Variants in LRP12 observed in about 807,000 individuals in gnomAD.
The protein encoded by LRP12 is LDL receptor related protein 12, also known as low-density lipoprotein receptor-related protein 12.
In LRP12, 14 loss-of-function variants were observed where a neutral mutation model predicts 66.0. The ratio of observed to expected loss-of-function variants is 0.21; its 90% CI spans 0.14 to 0.33. The LOEUF is 0.33. Among genes scored for constraint, LRP12 ranks in the 10% least tolerant of loss-of-function variants. The probability of loss-of-function intolerance (pLI) is 1.00; values close to 1 mark genes in which losing one functional copy is unlikely to be tolerated. For synonymous variants in LRP12, 357 were observed against 359.1 expected (o/e 0.99, Z 0.07); for missense variants, 889 against 1,053.4 (o/e 0.84, Z 2.16).
intron 1 of LRP12, among the ~76,000 whole-genome samples, chr8:104,543,464 G>A (rs116112400): frequency 6.6e-6 from 1 of 152,240 alleles, no homozygotes; most frequent in Admixed American, 6.5e-5. Context: ...GACGAATACT[G>A]TGTGTGTTCT....
chr8:104,542,376 C>A (rs1811491222), intron 1 of LRP12, among the ~76,000 whole-genome samples: 1 of 152,106 alleles, frequency 6.6e-6, no homozygotes, highest in Admixed American at 6.5e-5. Flanking sequence ...TTTAAGAGTT[C>A]TTTAGACATT....
chr8:104,579,114 C>G (rs1458874666), intron 1 of LRP12, among the ~76,000 whole-genome samples: 2 of 151,976 alleles, frequency 1.3e-5, no homozygotes, highest in Non-Finnish European at 2.9e-5. Flanking sequence ...TAAAGCGCAT[C>G]TAAATAGGAA....
At chr8:104,580,733 A>G (rs1292005024) in intron 1 of LRP12, among the ~76,000 whole-genome samples, 1 of 152,226 alleles carries the variant, frequency 6.6e-6, no homozygotes. Flanking sequence ...ACAATGAGAT[A>G]CCATCTCACA....
chr8:104,490,899 T>C lies in LRP12; in HGVS notation c.2354A>G (p.Asp785Gly), dbSNP rs1043651532. 2.5e-6 allele frequency: 4 copies of C among 1,614,146 alleles called. No individual in the cohort carries two copies. The highest frequency in any genetic ancestry group is 3.4e-6 in the Non-Finnish European group (4 of 1,180,020). ...TCTGGAGCAGTCATTCACATCAAAG[T>C]CTGAAGATCCATCAGAAATTGGAAT... ...MLIPISDGSS[D>G]FDVNDCSRPL... is the part of the protein sequence containing the mutation. The change falls in exon 7 of 7, where the codon GAC becomes GGC. Residue 785 changes from aspartate to glycine, a missense_variant. Physicochemically the swap from Asp to Gly is moderately conservative, Grantham distance 94. Transcript: ENST00000276654.
chr8:104,568,833 TA>T (rs1812040436), intron 1 of LRP12, among the ~76,000 whole-genome samples: 1 of 152,130 alleles, frequency 6.6e-6, no homozygotes, highest in African/African-American at 2.4e-5. Context: ...AGTGGGAATG[TA>T]AAATAGTGCT....
intron 1 of LRP12, among the ~76,000 whole-genome samples, chr8:104,537,932 C>T (rs1437579309): frequency 6.6e-6 from 1 of 152,132 alleles, no homozygotes; most frequent in Non-Finnish European, 1.5e-5. Flanking sequence ...GTTATTTTGT[C>T]AGGCTGTGTG....
intron 2 of LRP12, among the ~76,000 whole-genome samples, chr8:104,514,113 G>A (rs567617744): frequency 2.0e-5 from 3 of 152,142 alleles, no homozygotes; most frequent in African/African-American, 7.2e-5. Context: ...GATTAAAACC[G>A]GAAATTTCAG....
At chr8:104,512,727 T>C (rs572385760) in intron 2 of LRP12, among the ~76,000 whole-genome samples, 75 of 152,274 alleles carry the variant, frequency 4.9e-4, no homozygotes, top group African/African-American at 1.8e-3. Flanking sequence ...GAGAAACCCA[T>C]AGGTGGTGCT....
intron 1 of LRP12, among the ~76,000 whole-genome samples, chr8:104,537,718 A>G (rs1811410203): frequency 1.3e-5 from 2 of 152,174 alleles, no homozygotes; most frequent in South Asian, 4.1e-4. Flanking sequence ...GAACATATAG[A>G]TATATGACCT....
intron 4 of LRP12, 60 bp downstream of exon 4, chr8:104,499,257 G>T: frequency 7.7e-7 from 1 of 1,301,330 alleles, no homozygotes; most frequent in Non-Finnish European, 1.1e-6. Context: ...TAGCTCCGAA[G>T]TGACAGAGCA....
intron 1 of LRP12, among the ~76,000 whole-genome samples, chr8:104,553,753 T>C (rs1354901461): frequency 6.6e-6 from 1 of 151,926 alleles, no homozygotes; most frequent in Non-Finnish European, 1.5e-5. Flanking sequence ...TAGGGCAAGC[T>C]TGTATCCTCC....
intron 2 of LRP12, among the ~76,000 whole-genome samples, chr8:104,515,008 A>C (rs1288389070): frequency 2.6e-5 from 4 of 152,180 alleles, no homozygotes; most frequent in Non-Finnish European, 5.9e-5. Flanking sequence ...GGGCACTATT[A>C]TGCACTCGAA....
intron 1 of LRP12, among the ~76,000 whole-genome samples, chr8:104,555,239 C>G (rs1183096970): frequency 6.6e-6 from 1 of 152,016 alleles, no homozygotes; most frequent in East Asian, 1.9e-4. Flanking sequence ...TGAAATAACA[C>G]AATGAAAAAT....
At position 104,578,978 on chromosome 8, in the gene LRP12, T is replaced by C. The variant is rs76577455; in HGVS notation, c.79+9841A>G. Among the ~76,000 whole-genome samples the C allele has an allele frequency of 6.0e-3, 914 of 152,092 alleles. 9 individuals are homozygous for C. Among genetic ancestry groups the C allele is most frequent in the Admixed American group, 0.012 (190 of 15,274 alleles). ...AACAAACCCACAACCAACATCATAA[T>C]GAATGGGCAAAAGCTGGAAGCATGA... On this transcript the variant is annotated intron_variant, in intron 1 of 6. Coordinates refer to ENST00000276654, the MANE Select transcript of LRP12 (RefSeq NM_013437.5).
chr8:104,491,974 CT>C (rs566322915), intron 6 of LRP12, among the ~76,000 whole-genome samples: 2,154 of 144,228 alleles, frequency 0.015, 47 homozygotes, highest in African/African-American at 0.046. Flanking sequence ...GGACTTTTAT[CT>C]TTTTTTTTTT....
At chr8:104,514,210 A>C (rs3110524) in intron 2 of LRP12, among the ~76,000 whole-genome samples, 111,362 of 151,900 alleles carry the variant, frequency 0.73, 41,829 homozygotes, top group African/African-American at 0.89. Flanking sequence ...TCCAAAGGAA[A>C]TCCTCTGGGT....
At chr8:104,555,589 G>T (rs1405950183) in intron 1 of LRP12, among the ~76,000 whole-genome samples, 1 of 151,960 alleles carries the variant, frequency 6.6e-6, no homozygotes, top group African/African-American at 2.4e-5. Flanking sequence ...AATGATAAAA[G>T]GACTAGTCCA....
At chr8:104,546,672 A>G (rs1394353577) in intron 1 of LRP12, among the ~76,000 whole-genome samples, 1 of 151,720 alleles carries the variant, frequency 6.6e-6, no homozygotes, top group Non-Finnish European at 1.5e-5. Context: ...TTTCACCTAA[A>G]AATACTGAAT....
intron 3 of LRP12, chr8:104,505,399 CTT>C (rs57277820): frequency 0.012 from 1,219 of 103,300 alleles, 10 homozygotes; most frequent in African/African-American, 0.027. Flanking sequence ...TCCTTCTTTC[CTT>C]TTTTTTTTTT....
Sources: allele counts gnomAD v4.1 joint callset (sites outside exome capture counted in the v4.1 genomes callset), GRCh38; gene constraint gnomAD v4.1.1; transcripts MANE v1.5; gene names NCBI Gene and HGNC (gene_info 2026-07-23, HGNC 2026-07-21).